The following FAM135B variants were observed in gnomAD, a reference collection of about 807,000 sequenced individuals.
FAM135B encodes family with sequence similarity 135 member B.
A neutral mutation model predicts 127.7 loss-of-function variants in FAM135B; 43 were observed. The ratio of observed to expected loss-of-function variants is 0.34; its 90% CI spans 0.26 to 0.43. FAM135B has a LOEUF of 0.43. Ranked by LOEUF, FAM135B falls within the 20% of genes least tolerant of loss-of-function variation. FAM135B has a pLI of 1.00. For missense variants in FAM135B, 1,558 were observed against 1,725.6 expected (o/e 0.90, Z 1.72); for synonymous variants, 670 against 665.1 (o/e 1.01, Z -0.11).
chr8:138,481,786 A>C (rs1254841623), intron 1 of FAM135B, among the ~76,000 whole-genome samples: 1 of 151,296 alleles, frequency 6.6e-6, no homozygotes, highest in Non-Finnish European at 1.5e-5. Flanking sequence ...CTCTCCCAGC[A>C]ACTGGTCTCT....
intron 1 of FAM135B, among the ~76,000 whole-genome samples, chr8:138,417,310 C>A (rs944624676): frequency 1.3e-5 from 2 of 152,186 alleles, no homozygotes; most frequent in Non-Finnish European, 2.9e-5. Flanking sequence ...CAGGCACCTG[C>A]CAGTGGCCTG....
chr8:138,393,067 AG>A (rs1270297172), intron 1 of FAM135B, among the ~76,000 whole-genome samples: 1 of 152,202 alleles, frequency 6.6e-6, no homozygotes. Flanking sequence ...GGATGGCGGC[AG>A]GCAAAGAGAG....
At chr8:138,343,449 A>G (rs2131071716) in intron 2 of FAM135B, among the ~76,000 whole-genome samples, 1 of 152,318 alleles carries the variant, frequency 6.6e-6, no homozygotes, top group Admixed American at 6.5e-5. Flanking sequence ...AAGTCTCCAG[A>G]GCTAACTCTG....
chr8:138,262,338 TA>T (rs1822595151), intron 4 of FAM135B, among the ~76,000 whole-genome samples: 3 of 152,178 alleles, frequency 2.0e-5, no homozygotes, highest in African/African-American at 7.2e-5. Flanking sequence ...TCTGCCAGGG[TA>T]GCTCTTTGAG....
chr8:138,397,973 AC>A (rs1053432382), intron 1 of FAM135B, among the ~76,000 whole-genome samples: 4 of 151,966 alleles, frequency 2.6e-5, no homozygotes, highest in African/African-American at 4.8e-5. Flanking sequence ...CAGAAAGTGC[AC>A]CCCAGCTTCC....
chr8:138,198,997 C>T (rs1816890102), intron 7 of FAM135B, among the ~76,000 whole-genome samples: 1 of 152,140 alleles, frequency 6.6e-6, no homozygotes. Flanking sequence ...GGAAGAAACG[C>T]CAGGTGAGGA....
intron 9 of FAM135B, among the ~76,000 whole-genome samples, chr8:138,181,284 A>G (rs141515504): frequency 8.5e-5 from 13 of 152,254 alleles, no homozygotes; most frequent in Non-Finnish European, 1.3e-4. Flanking sequence ...AATGGGGAAT[A>G]TGGCGGACAG....
At chr8:138,265,132 C>T (rs564100202) in intron 4 of FAM135B, among the ~76,000 whole-genome samples, 1 of 152,300 alleles carries the variant, frequency 6.6e-6, no homozygotes, top group Non-Finnish European at 1.5e-5. Context: ...GTTCGATGCC[C>T]TTCCTCTTTC....
chr8:138,336,005 T>C (rs1828552017), intron 2 of FAM135B, among the ~76,000 whole-genome samples: 1 of 152,118 alleles, frequency 6.6e-6, no homozygotes, highest in South Asian at 2.1e-4. Context: ...CCTGAATGAC[T>C]ACTGGGTACA....
chr8:138,250,838 T>C lies in FAM135B; in HGVS notation c.542+3A>G. ...ATATCAGGGCTGCCTCTGAACTTCA[T>C]ACCTGATCAATGGCTGCTGCAGAGC... On this transcript the variant is annotated splice_donor_region_variant and intron_variant, in intron 6 of 19. Coordinates refer to ENST00000395297, the MANE Select transcript of FAM135B (RefSeq NM_015912.4). 1.2e-6 allele frequency: 2 copies of C among 1,613,572 alleles called. No individual in the cohort carries two copies. Among genetic ancestry groups the C allele is most frequent in the Non-Finnish European group, 1.7e-6 (2 of 1,179,950 alleles).
intron 1 of FAM135B, among the ~76,000 whole-genome samples, chr8:138,453,950 C>T (rs569449241): frequency 9.9e-5 from 15 of 152,088 alleles, no homozygotes; most frequent in African/African-American, 3.1e-4. Flanking sequence ...CTTTATTTCA[C>T]GAAAGAGAAA....
intron 5 of FAM135B, among the ~76,000 whole-genome samples, chr8:138,255,082 T>C (rs949344042): frequency 2.9e-5 from 4 of 137,134 alleles, no homozygotes; most frequent in Non-Finnish European, 6.1e-5. Context: ...CAGGCTGGAG[T>C]GCAGTGGTAC....
At chr8:138,387,601 T>C (rs1385889566) in intron 1 of FAM135B, among the ~76,000 whole-genome samples, 1 of 152,132 alleles carries the variant, frequency 6.6e-6, no homozygotes, top group Admixed American at 6.5e-5. Context: ...GGGACTCCTA[T>C]TTCTTGGAGC....
At chr8:138,270,242 T>C (rs1823272359) in intron 3 of FAM135B, among the ~76,000 whole-genome samples, 1 of 152,172 alleles carries the variant, frequency 6.6e-6, no homozygotes, top group Non-Finnish European at 1.5e-5. Context: ...ACCATGGTCT[T>C]GATGACTTTT....
At chr8:138,406,787 ACT>A (rs1181301842) in intron 1 of FAM135B, among the ~76,000 whole-genome samples, 1 of 150,158 alleles carries the variant, frequency 6.7e-6, no homozygotes, top group East Asian at 1.9e-4. Flanking sequence ...TGTATGACAA[ACT>A]CACAGCCAAA....
chr8:138,491,653 A>G (rs997752999), intron 1 of FAM135B, among the ~76,000 whole-genome samples: 1 of 152,168 alleles, frequency 6.6e-6, no homozygotes, highest in Non-Finnish European at 1.5e-5. Context: ...CTGAGTGCAT[A>G]TTATATGAGA....
intron 14 of FAM135B, among the ~76,000 whole-genome samples, chr8:138,147,792 C>G (rs1298353013): frequency 6.6e-6 from 1 of 152,092 alleles, no homozygotes; most frequent in Non-Finnish European, 1.5e-5. Context: ...AAAAAAATTG[C>G]CTATAACCTG....
At chr8:138,410,598 C>A (rs1833805825) in intron 1 of FAM135B, among the ~76,000 whole-genome samples, 1 of 152,094 alleles carries the variant, frequency 6.6e-6, no homozygotes, top group Non-Finnish European at 1.5e-5. Flanking sequence ...TATCTTACAC[C>A]AGTCAGAATG....
chr8:138,257,898 AAAAC>A (rs1391458440), intron 4 of FAM135B, among the ~76,000 whole-genome samples: 223 of 98,266 alleles, frequency 2.3e-3, no homozygotes, highest in African/African-American at 6.0e-3. Flanking sequence ...AAAAAAAAAT[AAAAC>A]AAAACAAAAC....
Sources: gnomAD v4.1 joint callset for allele counts (sites outside exome capture counted in the v4.1 genomes callset) on GRCh38, gnomAD v4.1.1 for gene constraint, MANE v1.5 for transcripts, NCBI Gene and HGNC (gene_info 2026-07-23, HGNC 2026-07-21) for gene names.